Variants in RABGAP1 observed in about 807,000 individuals in gnomAD.
RABGAP1 encodes RAB GTPase activating protein 1.
In RABGAP1, 23 loss-of-function variants were observed where a neutral mutation model predicts 137.6. The observed-to-expected ratio is 0.17, with a 90% CI of 0.12 to 0.24. The LOEUF is 0.24. Ranked by LOEUF, RABGAP1 falls within the 10% of genes least tolerant of loss-of-function variation. RABGAP1 has a pLI of 1.00. For synonymous variants in RABGAP1, 451 were observed against 450.7 expected (o/e 1.00, Z -0.01); for missense variants, 906 against 1,275.8 (o/e 0.71, Z 4.42).
At chr9:122,948,886 A>T (rs1272585087) in intron 1 of RABGAP1, among the ~76,000 whole-genome samples, 1 of 152,194 alleles carries the variant, frequency 6.6e-6, no homozygotes, top group Non-Finnish European at 1.5e-5. Context: ...GCCATGAAGT[A>T]TATTCAACCA....
intron 18 of RABGAP1, 22 bp downstream of exon 18, chr9:123,076,308 G>GA (rs1166700561): frequency 6.3e-7 from 1 of 1,596,806 alleles, no homozygotes; most frequent in African/African-American, 1.3e-5. Context: ...TTTATTAGCT[G>GA]AGTTATCTGT....
chr9:123,072,392 G>C (rs967440889), intron 15 of RABGAP1, among the ~76,000 whole-genome samples: 1 of 152,112 alleles, frequency 6.6e-6, no homozygotes, highest in East Asian at 1.9e-4. Context: ...TTGTTTTAAT[G>C]AGACTTTATA....
intron 13 of RABGAP1, among the ~76,000 whole-genome samples, chr9:123,064,316 G>A (rs184195328): frequency 1.3e-5 from 2 of 152,304 alleles, no homozygotes; most frequent in African/African-American, 4.8e-5. Flanking sequence ...TCTTTGAAAA[G>A]CAATTTGGCG....
intron 2 of RABGAP1, among the ~76,000 whole-genome samples, chr9:122,973,725 A>G (rs1835600627): frequency 6.6e-6 from 1 of 151,998 alleles, no homozygotes. Context: ...GAACCTGATA[A>G]TCTGCTGGAC....
In RABGAP1 at chr9:123,070,334, G is replaced by A; in HGVS notation, c.1909-16G>A. The A allele has an allele frequency of 6.2e-7, 1 of 1,613,650 alleles. No homozygotes were observed. Among genetic ancestry groups the A allele is most frequent in the Non-Finnish European group, 8.5e-7 (1 of 1,179,816 alleles). ...CTACATTCATTTACATTTCCTCTGTGTGTTTTATTTTCCAGGCTTATTCTG... is the reference window on the plus strand; with the variant it reads ...CTACATTCATTTACATTTCCTCTGTATGTTTTATTTTCCAGGCTTATTCTG... On this transcript the variant is annotated splice_polypyrimidine_tract_variant and intron_variant, in intron 14 of 25. Coordinates refer to ENST00000373647, the MANE Select transcript of RABGAP1 (RefSeq NM_012197.4). This position sits in a 1 kb window ranked among gnomAD's most constrained non-coding sequence, Gnocchi z 4.4.
intron 24 of RABGAP1, among the ~76,000 whole-genome samples, chr9:123,100,147 T>G (rs1028637032): frequency 2.0e-5 from 3 of 152,194 alleles, no homozygotes; most frequent in Non-Finnish European, 2.9e-5. Flanking sequence ...AATGTTTTGT[T>G]GGCAGCTTAG....
intron 2 of RABGAP1, among the ~76,000 whole-genome samples, chr9:122,959,320 T>C (rs936752654): frequency 1.4e-5 from 2 of 146,608 alleles, no homozygotes; most frequent in African/African-American, 5.1e-5. Context: ...ATGGGCTGGA[T>C]TGTGTAGAAC....
rs59639446 is a variant in RABGAP1 at position 123,047,919 on chromosome 9, G to GTTTTTTTTTTTTTTTTTTTTTT, written c.1795-17414_1795-17393dup. ...TATCTAGCCATTTTACAGCTGCTGG[G>GTTTTTTTTTTTTTTTTTTTTTT]TTTTTTTTTTTTTTTTTTTTTTTTT... On this transcript the variant is annotated intron_variant, in intron 13 of 25. Coordinates refer to ENST00000373647, the MANE Select transcript of RABGAP1 (RefSeq NM_012197.4). 1.3e-4 allele frequency among the ~76,000 whole-genome samples: 8 copies of GTTTTTTTTTTTTTTTTTTTTTT among 62,282 alleles called. 1 individual carries two copies. The highest frequency in any genetic ancestry group is 2.1e-4 in the Non-Finnish European group (6 of 28,026). The allele number at this position is 62,282 out of a possible 152,430, so 40.9% of individuals were successfully genotyped here. A position where few individuals can be genotyped will look rare whatever the true frequency, so the allele number is the denominator to read the frequency against.
In RABGAP1 at chr9:122,958,196, A is replaced by G. The variant is rs574466002; in HGVS notation, c.150+987A>G. ...GTGGCAAACAGTTAAAAATAAAGAC[A>G]TTGTAGTCCTGGAACCATCTGGCCA... On this transcript the variant is annotated intron_variant, in intron 2 of 25. Coordinates refer to ENST00000373647, the MANE Select transcript of RABGAP1 (RefSeq NM_012197.4). 2.2e-4 allele frequency among the ~76,000 whole-genome samples: 34 copies of G among 152,140 alleles called. No individual in the cohort carries two copies. In the East Asian group the frequency reaches 2.9e-3, roughly 13 times the overall value.
intron 13 of RABGAP1, among the ~76,000 whole-genome samples, chr9:123,047,957 A>G (rs1342598801): frequency 1.4e-4 from 3 of 21,678 alleles, no homozygotes; most frequent in South Asian, 4.7e-3. Flanking sequence ...TTTTTTTTTG[A>G]GACGGAGTCT....
At position 123,065,417 on chromosome 9, in the gene RABGAP1, G is replaced by C; in HGVS notation, c.1864G>C (p.Asp622His). ...RTFPAHDYFK[D>H]TGGDGQDSLY... Reference sequence around the variant, plus strand: ...ATTCCCAGCCCATGACTACTTTAAGGACACAGGAGGAGATGGACAAGATTC... The same window carrying C: ...ATTCCCAGCCCATGACTACTTTAAGCACACAGGAGGAGATGGACAAGATTC... The change falls in exon 14 of 26, where the codon GAC (aspartate) becomes CAC (histidine). Residue 622 changes from aspartate (D) to histidine (H), a missense_variant. Asp to His is a moderately conservative substitution (Grantham distance 81). Around this residue, in one of 9 missense-constraint regions of RABGAP1, gnomAD observed 30 missense variants for 105.8 expected, o/e 0.28. Coordinates refer to ENST00000373647, the MANE Select transcript of RABGAP1 (RefSeq NM_012197.4). 6.2e-7 allele frequency: 1 copy of C among 1,612,532 alleles called. No homozygotes were observed. The highest frequency in any genetic ancestry group is 8.5e-7 in the Non-Finnish European group (1 of 1,178,892).
chr9:123,073,792 G>A, intron 16 of RABGAP1, 115 bp downstream of exon 16: 1 of 1,394,848 alleles, frequency 7.2e-7, no homozygotes, highest in Admixed American at 2.2e-5. Flanking sequence ...CGTGGCTAAG[G>A]ATGGGTTTCA....
chr9:123,069,531 A>G (rs1434021602), intron 14 of RABGAP1, among the ~76,000 whole-genome samples: 1 of 151,210 alleles, frequency 6.6e-6, no homozygotes, highest in Non-Finnish European at 1.5e-5. Context: ...TGAGCTTAGG[A>G]GTTTGAGACC....
At chr9:123,038,788 A>G (rs946330177) in intron 13 of RABGAP1, among the ~76,000 whole-genome samples, 7 of 151,672 alleles carry the variant, frequency 4.6e-5, no homozygotes, top group Admixed American at 3.9e-4. Flanking sequence ...AGACCTTGGA[A>G]ATATTGTAGA....
chr9:122,986,254 A>T lies in RABGAP1; in HGVS notation c.425A>T (p.Glu142Val). ...AGTCCTTTCACACCAGTGGCCGATG[A>T]GGACAGCGTAGTTTTCAGTAAACTG... Reference protein sequence around the residue: ...ASSPFTPVADEDSVVFSKLTY... With the variant: ...ASSPFTPVADVDSVVFSKLTY... The change falls in exon 4 of 26, where the codon GAG becomes GTG. Residue 142 changes from glutamate (E) to valine (V), a missense_variant. By Grantham distance (121) the Glu-to-Val change is moderately radical (BLOSUM62 -2). Coordinates refer to ENST00000373647, the MANE Select transcript of RABGAP1 (RefSeq NM_012197.4). The T allele has an allele frequency of 6.2e-7, 1 of 1,614,176 alleles. No individual in the cohort carries two copies. Among genetic ancestry groups the T allele is most frequent in the African/African-American group, 1.3e-5 (1 of 75,066 alleles).
chr9:123,024,204 T>A (rs2131946795), intron 13 of RABGAP1, among the ~76,000 whole-genome samples: 1 of 152,314 alleles, frequency 6.6e-6, no homozygotes, highest in South Asian at 2.1e-4. Context: ...GTTTTTAAAT[T>A]TCAGTAGGGA....
intron 2 of RABGAP1, among the ~76,000 whole-genome samples, chr9:122,982,634 C>G (rs1231124833): frequency 6.6e-6 from 1 of 152,112 alleles, no homozygotes; most frequent in Non-Finnish European, 1.5e-5. Flanking sequence ...AGTTTAGGTT[C>G]ACTTGGGCTG....
upstream of RABGAP1, among the ~76,000 whole-genome samples, chr9:122,940,536 A>G (rs1029669137): frequency 1.3e-5 from 2 of 152,248 alleles, no homozygotes; most frequent in South Asian, 4.1e-4. Flanking sequence ...ATAGCCACAT[A>G]AAGAACCATC....
Position 123,103,623 on chromosome 9 carries a change from A to ATATATATATATG in RABGAP1, c.*421_*422insGTATATATATAT, listed in dbSNP as rs1554734076. On this transcript the variant is annotated 3_prime_UTR_variant, in exon 26 of 26. Transcript: ENST00000373647. Reference sequence around the variant, plus strand: ...TATATATATATATATATATATATATATATATATATATATAGTGGGGGTGGG... The same window carrying ATATATATATATG: ...TATATATATATATATATATATATATATATATATATATGTATATATATATATAGTGGGGGTGGG... 37 of 90,878 alleles carry ATATATATATATG rather than the reference A, an allele frequency of 4.1e-4. No homozygotes were observed. Among genetic ancestry groups the ATATATATATATG allele is most frequent in the Non-Finnish European group, 6.5e-4 (32 of 49,416 alleles). The allele number at this position is 90,878 out of a possible 1,614,324, so 5.6% of individuals were successfully genotyped here. A position where few individuals can be genotyped will look rare whatever the true frequency, so the allele number is the denominator to read the frequency against.
Sources: allele counts gnomAD v4.1 joint callset (sites outside exome capture counted in the v4.1 genomes callset), GRCh38; gene constraint gnomAD v4.1.1; regional missense constraint gnomAD v4.1.1; non-coding constraint Gnocchi (gnomAD v3.1); transcripts MANE v1.5; gene names NCBI Gene and HGNC (gene_info 2026-07-23, HGNC 2026-07-21).